The following COQ8A variants were observed in gnomAD, a reference collection of about 807,000 sequenced individuals.
COQ8A encodes the protein atypical kinase COQ8A, mitochondrial.
Under a neutral mutation model 65.0 loss-of-function variants are expected in COQ8A, and 51 were observed. That is an observed-to-expected ratio of 0.78 (90% CI 0.63 to 0.99). The LOEUF is 0.99. Among genes scored for constraint, COQ8A ranks in the 50% least tolerant of loss-of-function variants. The pLI, the probability that COQ8A is intolerant of heterozygous loss-of-function variation, is 0.00. For missense variants in COQ8A, 940 were observed against 875.0 expected, an observed-to-expected ratio of 1.07 and a Z score of -0.94; for synonymous variants, 371 against 353.2, an observed-to-expected ratio of 1.05 and a Z score of -0.57.
chr1:226,978,093 A>G (rs1479485754), intron 5 of COQ8A, among the ~76,000 whole-genome samples: 9 of 124,160 alleles, frequency 7.2e-5, no homozygotes, highest in Admixed American at 1.6e-4. Flanking sequence ...ACACCCACCG[A>G]ACACCCGCAC....
chr1:226,965,999 C>T (rs1304080964), intron 4 of COQ8A, among the ~76,000 whole-genome samples: 2 of 152,270 alleles, frequency 1.3e-5, no homozygotes, highest in Non-Finnish European at 2.9e-5. Context: ...TTTGGATTGC[C>T]CGGCAGGCCT....
intron 1 of COQ8A, among the ~76,000 whole-genome samples, chr1:226,950,609 A>G (rs1657317325): frequency 6.6e-6 from 1 of 152,238 alleles, no homozygotes; most frequent in Non-Finnish European, 1.5e-5. Context: ...TAAGTAGAAC[A>G]CTGAGCCCAG....
At chr1:226,942,017 A>G (rs1656728834) in intron 1 of COQ8A, among the ~76,000 whole-genome samples, 1 of 152,052 alleles carries the variant, frequency 6.6e-6, no homozygotes, top group Non-Finnish European at 1.5e-5. Flanking sequence ...CCTGGCCTAT[A>G]CATTGTAGGA....
chr1:226,983,164 T>C, intron 8 of COQ8A, 130 bp downstream of exon 8: 5 of 1,344,014 alleles, frequency 3.7e-6, no homozygotes, highest in Non-Finnish European at 5.0e-6. Flanking sequence ...CCATATGTGG[T>C]GTCTTCTGGC....
At chr1:226,979,805 C>T (rs1321719471) in intron 5 of COQ8A, among the ~76,000 whole-genome samples, 1 of 152,226 alleles carries the variant, frequency 6.6e-6, no homozygotes, top group African/African-American at 2.4e-5. Flanking sequence ...GGACGGAGGG[C>T]TTAGCAAGGG....
chr1:226,983,780 G>C lies in COQ8A; in HGVS notation c.1182G>C (p.Leu394=). ...GCCCAGGCCTGTTCCCCGAGCACCT[G>C]ATCGACGTGCTGAGGCGGGAGCTGG... ...MLPEGLFPEH[L]IDVLRRELAL... The change falls in exon 10 of 15, where the codon CTG becomes CTC. Residue 394 remains leucine, a synonymous_variant. Coordinates refer to ENST00000366777, the MANE Select transcript of COQ8A (RefSeq NM_020247.5). The C allele has an allele frequency of 1.2e-6, 2 of 1,613,082 alleles. No individual in the cohort carries two copies. The highest frequency in any genetic ancestry group is 8.5e-7 in the Non-Finnish European group (1 of 1,179,990).
At chr1:226,983,273 C>T (rs1453610391) in intron 8 of COQ8A, 2 of 691,090 alleles carry the variant, frequency 2.9e-6, no homozygotes, top group African/African-American at 1.8e-5. Context: ...TTGGGGTGGG[C>T]AAGGACAGGG....
chr1:226,982,581 G>A (rs1018458030), intron 6 of COQ8A, 97 bp from the exon 7 acceptor site: 23 of 1,291,866 alleles, frequency 1.8e-5, no homozygotes, highest in Admixed American at 1.7e-4. Context: ...GGTGGGGAGG[G>A]TGTGGTGGCC....
intron 5 of COQ8A, among the ~76,000 whole-genome samples, chr1:226,980,546 C>T (rs1659622212): frequency 6.6e-6 from 1 of 152,058 alleles, no homozygotes; most frequent in Admixed American, 6.5e-5. Context: ...GCAGAGGGGA[C>T]ATTGACTGCC....
chr1:226,965,452 C>A, intron 3 of COQ8A, 42 bp downstream of exon 3: 1 of 1,591,978 alleles, frequency 6.3e-7, no homozygotes. Context: ...TAGCTGCCAC[C>A]CACAGCAGTG....
Position 226,984,875 on chromosome 1 carries a change from G to C in COQ8A, c.1507-1G>C. 6.2e-7 allele frequency: 1 copy of C among 1,614,196 alleles called. No individual in the cohort carries two copies. The highest frequency in any genetic ancestry group is 8.5e-7 in the Non-Finnish European group (1 of 1,180,028). Reference sequence around the variant, plus strand: ...ACTTCTCCTGGTGTCTCTGTCCCCAGGTGGCTCTTTTGGATTTTGGGGCAA... The same window carrying C: ...ACTTCTCCTGGTGTCTCTGTCCCCACGTGGCTCTTTTGGATTTTGGGGCAA... On this transcript the variant is annotated splice_acceptor_variant, in intron 12 of 14. Coordinates refer to ENST00000366777, the MANE Select transcript of COQ8A (RefSeq NM_020247.5). LOFTEE classifies it high-confidence loss of function.
intron 4 of COQ8A, among the ~76,000 whole-genome samples, chr1:226,969,479 G>A (rs1369171694): frequency 6.6e-6 from 1 of 152,034 alleles, no homozygotes; most frequent in Non-Finnish European, 1.5e-5. Context: ...CTCATGATCC[G>A]CCCGCCTCGG....
At chr1:226,941,880 C>G (rs989637962) in intron 1 of COQ8A, among the ~76,000 whole-genome samples, 2 of 151,958 alleles carry the variant, frequency 1.3e-5, no homozygotes, top group Non-Finnish European at 2.9e-5. Context: ...TAATGTTGAG[C>G]AACTCAAAGG....
At chr1:226,960,452 G>GGCA (rs1426160199) in intron 1 of COQ8A, among the ~76,000 whole-genome samples, 8 of 151,822 alleles carry the variant, frequency 5.3e-5, no homozygotes, top group Non-Finnish European at 1.0e-4. Flanking sequence ...ACTTGGTGGT[G>GGCA]GTGGCAGTAC....
chr1:226,965,628 C>T, intron 3 of COQ8A, 43 bp from the exon 4 acceptor site: 2 of 1,609,458 alleles, frequency 1.2e-6, no homozygotes, highest in Non-Finnish European at 1.7e-6. Flanking sequence ...TTGGTCCTGT[C>T]CCCTTGGCTG....
At chr1:226,980,843 C>T (rs968307370) in intron 5 of COQ8A, among the ~76,000 whole-genome samples, 1 of 152,226 alleles carries the variant, frequency 6.6e-6, no homozygotes, top group Non-Finnish European at 1.5e-5. Flanking sequence ...CCTCCATTCT[C>T]AGGGCGGCCC....
chr1:226,978,887 CCAAT>C lies in COQ8A; in HGVS notation c.730+1367_730+1370del, dbSNP rs1194712458. Among the ~76,000 whole-genome samples, 5 of 125,618 alleles carry C rather than the reference CCAAT, an allele frequency of 4.0e-5. 1 individual carries two copies. The highest frequency in any genetic ancestry group is 2.4e-4 in the Admixed American group (3 of 12,640). The allele number at this position is 125,618 out of a possible 152,430, so 82.4% of individuals were successfully genotyped here. ...ACCTTACACACCCTCCACACACCCA[CCAAT>C]CACCCACTGAACACTGCACCTCCTT... On this transcript the variant is annotated intron_variant, in intron 5 of 14. Coordinates refer to ENST00000366777, the MANE Select transcript of COQ8A (RefSeq NM_020247.5).
Position 226,961,350 on chromosome 1 carries a change from C to T in COQ8A, c.-9-27C>T, listed in dbSNP as rs765796887. On this transcript the variant is annotated intron_variant, in intron 1 of 14. Coordinates refer to ENST00000366777, the MANE Select transcript of COQ8A (RefSeq NM_020247.5). ...TTTGGCCTGCAGAGGCCTGGGGCCT[C>T]CCCTGACTTGGCCTCCTCTCTTCCA... 6 of 1,612,880 alleles carry T rather than the reference C, an allele frequency of 3.7e-6. No individual in the cohort carries two copies. The East Asian group carries it at 8.9e-5, about 24-fold the overall frequency.
intron 4 of COQ8A, among the ~76,000 whole-genome samples, chr1:226,970,028 G>T (rs979770559): frequency 6.6e-6 from 1 of 152,068 alleles, no homozygotes; most frequent in African/African-American, 2.4e-5. Context: ...GTGCAGCGGC[G>T]TGATCTCGGC....
Sources: gnomAD v4.1 joint callset for allele counts (sites outside exome capture counted in the v4.1 genomes callset) on GRCh38, gnomAD v4.1.1 for gene constraint, MANE v1.5 for transcripts, NCBI Gene and HGNC (gene_info 2026-07-23, HGNC 2026-07-21) for gene names.